The following PLEKHG4B variants were observed in gnomAD, a reference collection of about 807,000 sequenced individuals.
PLEKHG4B encodes pleckstrin homology and RhoGEF domain containing G4B, also known as pleckstrin homology domain-containing family G member 4B.
PLEKHG4B carries 111 observed loss-of-function variants against 121.3 expected under a neutral mutation model. The observed-to-expected ratio is 0.92, with a 90% CI of 0.78 to 1.07. PLEKHG4B has a LOEUF of 1.07. PLEKHG4B is among the 50% of genes least tolerant of loss of function. PLEKHG4B has a pLI of 0.00. For missense variants in PLEKHG4B, 1,831 were observed against 1,757.8 expected (o/e 1.04, Z -0.74); for synonymous variants, 738 against 725.0 (o/e 1.02, Z -0.29).
At position 140,571 on chromosome 5, in the gene PLEKHG4B, C is replaced by G; in HGVS notation, c.1332C>G (p.Pro444=). 1.9e-6 allele frequency: 3 copies of G among 1,608,396 alleles called. No individual in the cohort carries two copies. The highest frequency in any genetic ancestry group is 1.7e-6 in the Non-Finnish European group (2 of 1,178,028). The stretch of plus-strand genomic sequence containing the variant: ...GATCTCGGTCCTGGGAAAGGGCACC[C>G]AGAAGCTCCAGAGGGGCCCAGGCTG... ...PRRSRSWERA[P]RSSRGAQAAA... Residue 444 remains proline, a synonymous_variant, in exon 3 of 20, where the codon CCC becomes CCG. Transcript: ENST00000637938.
intron 2 of PLEKHG4B, among the ~76,000 whole-genome samples, chr5:133,941 C>CACACACACACACACACACACATAT (rs34900477): frequency 6.8e-6 from 1 of 146,288 alleles, no homozygotes; most frequent in Non-Finnish European, 1.5e-5. Flanking sequence ...CACACACACA[C>CACACACACACACACACACACATAT]ATATATATAT....
chr5:173,064 C>T lies in PLEKHG4B; in HGVS notation c.4218C>T (p.Phe1406=), dbSNP rs1736622377. 1 of 1,613,748 alleles carries T rather than the reference C, an allele frequency of 6.2e-7. No individual in the cohort carries two copies. ...SHDVYLYKQS[F]KTAEIGMTEN... ...ACGTCTACCTGTACAAGCAGTCCTTCAAGGTAGCACCCGCCCGGTCCGATT... is the reference window on the plus strand; with the variant it reads ...ACGTCTACCTGTACAAGCAGTCCTTTAAGGTAGCACCCGCCCGGTCCGATT... The change falls in exon 17 of 20, where the codon TTC becomes TTT. Residue 1406 remains phenylalanine (F), a synonymous_variant. Transcript: ENST00000637938.
chr5:143,168 C>T lies in PLEKHG4B; in HGVS notation c.1599C>T (p.Pro533=), dbSNP rs756356701. 11 of 1,612,050 alleles carry T rather than the reference C, an allele frequency of 6.8e-6. No homozygotes were observed. The highest frequency in any genetic ancestry group is 2.7e-5 in the African/African-American group (2 of 74,922). Residue 533 remains proline, a synonymous_variant, in exon 4 of 20, where the codon CCC becomes CCT. Coordinates refer to ENST00000637938, the MANE Select transcript of PLEKHG4B (RefSeq NM_052909.5). ...ACCCCGAGCAAGAAGGGTGGCCACC[C>T]GGCACAGGAGACTTCCCCAGCCAGG... The part of the protein sequence containing the change: ...QPHPEQEGWP[P]GTGDFPSQVP...
At chr5:165,550 GCTCTGACGGGGCGGGGCTCACAGTAATC>G in intron 13 of PLEKHG4B, among the ~76,000 whole-genome samples, 1 of 30,766 alleles carries the variant, frequency 3.3e-5, no homozygotes, top group Non-Finnish European at 6.9e-5. Flanking sequence ...TCACACTAAT[GCTCTGACGGGGCGGGGCTCACAGTAATC>G]CTCTGACGGG....
At chr5:135,675 AAAAAAAAATATAT>A (rs1344334948) in intron 2 of PLEKHG4B, among the ~76,000 whole-genome samples, 4 of 73,170 alleles carry the variant, frequency 5.5e-5, no homozygotes, top group Admixed American at 4.6e-4. Context: ...CAAAAAAAAA[AAAAAAAAATATAT>A]ATATATATAT....
At chr5:115,952 T>C (rs2126360977) in intron 2 of PLEKHG4B, among the ~76,000 whole-genome samples, 1 of 152,388 alleles carries the variant, frequency 6.6e-6, no homozygotes, top group African/African-American at 2.4e-5. Context: ...AGTGGACTTT[T>C]AATTTCCTTC....
At position 140,099 on chromosome 5, in the gene PLEKHG4B, A is replaced by G. The variant is rs1735109411; in HGVS notation, c.860A>G (p.Asp287Gly). 1 of 488,368 alleles carries G rather than the reference A, an allele frequency of 2.0e-6. No individual in the cohort carries two copies. The highest frequency in any genetic ancestry group is 4.2e-5 in the South Asian group (1 of 23,844). The allele number at this position is 488,368 out of a possible 1,614,324, so 30.3% of individuals were successfully genotyped here. Residue 287 changes from aspartate to glycine, a missense_variant, in exon 3 of 20, where the codon GAC (aspartate) becomes GGC (glycine). Asp to Gly is a moderately conservative substitution (Grantham distance 94, BLOSUM62 -1). Transcript: ENST00000637938. ...ACCCTGTCTGGAAGCTCAGACAGGG[A>G]CTTCGAAAAGGTCAGCCCCTCAGAG... ...PRTLSGSSDR[D>G]FEKVSPSEQG...
intron 13 of PLEKHG4B, among the ~76,000 whole-genome samples, chr5:165,082 G>A (rs386997): frequency 9.2e-6 from 1 of 108,754 alleles, no homozygotes; most frequent in African/African-American, 3.4e-5. Context: ...ATGCTCTGAC[G>A]GGGCGGGGCT....
At chr5:126,608 T>C (rs1214832323) in intron 2 of PLEKHG4B, among the ~76,000 whole-genome samples, 1 of 152,192 alleles carries the variant, frequency 6.6e-6, no homozygotes, top group Non-Finnish European at 1.5e-5. Context: ...AAATTGGACA[T>C]TTGAATCTAA....
At chr5:98,575 C>T (rs1733697881) in intron 1 of PLEKHG4B, among the ~76,000 whole-genome samples, 1 of 148,952 alleles carries the variant, frequency 6.7e-6, no homozygotes, top group South Asian at 2.1e-4. Context: ...GCTGGGACTA[C>T]AGGCATGTGC....
At chr5:178,285 C>A (rs1365492579) in intron 18 of PLEKHG4B, among the ~76,000 whole-genome samples, 3 of 152,222 alleles carry the variant, frequency 2.0e-5, no homozygotes, top group African/African-American at 7.2e-5. Context: ...AGAGACAGTG[C>A]AAATATGCCG....
Position 155,008 on chromosome 5 carries a change from G to GAA in PLEKHG4B, c.2109+17_2109+18insAA. On this transcript the variant is annotated intron_variant, in intron 8 of 19. Coordinates refer to ENST00000637938, the MANE Select transcript of PLEKHG4B (RefSeq NM_052909.5). ...TTCCGTCAGGTAGGTTCAGCCTGCA[G>GAA]CTGCTGCACATGCGACAGTCTCTGG... 1 of 1,590,370 alleles carries GAA rather than the reference G, an allele frequency of 6.3e-7. No homozygotes were observed. The highest frequency in any genetic ancestry group is 8.6e-7 in the Non-Finnish European group (1 of 1,161,238).
chr5:159,246 T>C lies in PLEKHG4B; in HGVS notation c.2487+2335T>C, dbSNP rs1735911923. 6.7e-6 allele frequency among the ~76,000 whole-genome samples: 1 copy of C among 149,854 alleles called. No individual in the cohort carries two copies. Among genetic ancestry groups the C allele is most frequent in the African/African-American group, 2.5e-5 (1 of 39,878 alleles). ...GTCGCCCAGGTGCACTGAGGGCAGG[T>C]GTGCCTGAGGGTCGCCCAGGTGCAC... On this transcript the variant is annotated intron_variant, in intron 11 of 19. Transcript: ENST00000637938. This position sits in a 1 kb window ranked among gnomAD's most constrained non-coding sequence, Gnocchi z 5.5.
chr5:95,673 G>C (rs1408473544), intron 1 of PLEKHG4B, among the ~76,000 whole-genome samples: 1 of 152,130 alleles, frequency 6.6e-6, no homozygotes, highest in Non-Finnish European at 1.5e-5. Flanking sequence ...TCTCCTTCCG[G>C]GCTTGCCACC....
chr5:143,277 C>T (rs762831347), intron 4 of PLEKHG4B, 21 bp downstream of exon 4: 5 of 1,609,564 alleles, frequency 3.1e-6, no homozygotes, highest in Non-Finnish European at 1.7e-6. Flanking sequence ...ATGCCAGGCT[C>T]TCCTGTCAGG....
chr5:112,613 C>T (rs776541979), intron 1 of PLEKHG4B, among the ~76,000 whole-genome samples: 1 of 152,228 alleles, frequency 6.6e-6, no homozygotes, highest in Non-Finnish European at 1.5e-5. Context: ...GGCCAATGAT[C>T]CTGTTTTTAG....
chr5:127,889 C>T (rs189643453), intron 2 of PLEKHG4B, among the ~76,000 whole-genome samples: 5 of 152,232 alleles, frequency 3.3e-5, no homozygotes, highest in African/African-American at 7.2e-5. Context: ...AGACATCAAT[C>T]AAATAAATTT....
chr5:174,264 G>C, intron 18 of PLEKHG4B, among the ~76,000 whole-genome samples, 166 bp downstream of exon 18: 1 of 137,856 alleles, frequency 7.3e-6, no homozygotes, highest in Admixed American at 7.2e-5. Context: ...TGAGTCCAGG[G>C]GCTGGGGAAT....
Position 187,996 on chromosome 5 carries a change from T to C in PLEKHG4B, c.*5673T>C, listed in dbSNP as rs1430257964. The C allele has an allele frequency of 1.3e-5, 2 of 152,380 alleles. No individual in the cohort carries two copies. Among genetic ancestry groups the C allele is most frequent in the Non-Finnish European group, 2.9e-5 (2 of 68,216 alleles). 9.4% of individuals were successfully genotyped at this position (152,380 alleles called of 1,614,324 possible). A position where few individuals can be genotyped will look rare whatever the true frequency, so the allele number is the denominator to read the frequency against. On this transcript the variant is annotated 3_prime_UTR_variant, in exon 20 of 20. Transcript: ENST00000637938. Reference sequence around the variant, plus strand: ...TTTGTCAGGAGCAGCTCCCCCAGGATCCAGGCATCCCTGGCCCCCCTTTGC... The same window carrying C: ...TTTGTCAGGAGCAGCTCCCCCAGGACCCAGGCATCCCTGGCCCCCCTTTGC...
Sources: gnomAD v4.1 joint callset for allele counts (sites outside exome capture counted in the v4.1 genomes callset) on GRCh38, gnomAD v4.1.1 for gene constraint, Gnocchi (gnomAD v3.1) non-coding constraint, MANE v1.5 for transcripts, NCBI Gene and HGNC (gene_info 2026-07-23, HGNC 2026-07-21) for gene names.